EMC2: variants seen among roughly 807,000 people sequenced by gnomAD.
The protein encoded by EMC2 is TPR repeat protein 35.
Under a neutral mutation model 51.6 loss-of-function variants are expected in EMC2, and 37 were observed. The observed-to-expected ratio is 0.72, with a 90% CI of 0.55 to 0.94. The LOEUF is 0.94. EMC2 is among the 40% of genes least tolerant of loss of function. The probability of loss-of-function intolerance (pLI) is 0.00; values close to 1 mark genes in which losing one functional copy is unlikely to be tolerated. For missense variants in EMC2, 359 were observed against 350.9 expected (o/e 1.02, Z -0.18); for synonymous variants, 131 against 112.4 (o/e 1.17, Z -1.04).
At chr8:108,462,910 A>T (rs896765436) in intron 5 of EMC2, among the ~76,000 whole-genome samples, 1 of 152,018 alleles carries the variant, frequency 6.6e-6, no homozygotes, top group Non-Finnish European at 1.5e-5. Flanking sequence ...TAATATTCTT[A>T]AACAGCCATT....
chr8:108,477,806 G>A (rs1232033895), intron 9 of EMC2, among the ~76,000 whole-genome samples: 3 of 151,972 alleles, frequency 2.0e-5, no homozygotes, highest in Non-Finnish European at 4.4e-5. Context: ...GCTTATACAT[G>A]GCACTTCATG....
At chr8:108,448,198 C>T (rs1305293526) in intron 1 of EMC2, among the ~76,000 whole-genome samples, 2 of 152,140 alleles carry the variant, frequency 1.3e-5, no homozygotes, top group African/African-American at 4.8e-5. Flanking sequence ...CTTAACTGCT[C>T]ATCCCTGAGC....
intron 9 of EMC2, among the ~76,000 whole-genome samples, chr8:108,477,612 A>G (rs1000141446): frequency 6.6e-6 from 1 of 152,094 alleles, no homozygotes; most frequent in Non-Finnish European, 1.5e-5. Flanking sequence ...AGAAACAAAA[A>G]TGAAACAATT....
chr8:108,448,994 AACTC>A (rs1429980535), intron 1 of EMC2, among the ~76,000 whole-genome samples: 1 of 152,124 alleles, frequency 6.6e-6, no homozygotes, highest in African/African-American at 2.4e-5. Context: ...TCTTCCAAGA[AACTC>A]ACTCTTCTTA....
chr8:108,458,029 C>T (rs1205532461), intron 5 of EMC2, among the ~76,000 whole-genome samples: 1 of 152,100 alleles, frequency 6.6e-6, no homozygotes, highest in Non-Finnish European at 1.5e-5. Context: ...GAAATTGGCC[C>T]AAACAAAGAG....
At chr8:108,476,053 C>A in intron 8 of EMC2, 90 bp downstream of exon 8, 1 of 695,898 alleles carries the variant, frequency 1.4e-6, no homozygotes, top group Non-Finnish European at 2.4e-6. Flanking sequence ...TGATGTTAAG[C>A]AAGTATATAA....
At chr8:108,453,582 T>C (rs183676059) in intron 4 of EMC2, among the ~76,000 whole-genome samples, 1 of 152,268 alleles carries the variant, frequency 6.6e-6, no homozygotes, top group African/African-American at 2.4e-5. Context: ...TCTTTTGTCC[T>C]GTCCAATAAT....
At chr8:108,452,719 C>A (rs900128771) in intron 3 of EMC2, among the ~76,000 whole-genome samples, 2 of 152,142 alleles carry the variant, frequency 1.3e-5, no homozygotes, top group Non-Finnish European at 2.9e-5. Context: ...GAAGAAAACG[C>A]CAGGCGCTGT....
In EMC2 at chr8:108,443,707, G is replaced by C. The variant is rs763295194; in HGVS notation, c.40+9G>C. On this transcript the variant is annotated intron_variant, in intron 1 of 10. Coordinates refer to ENST00000220853, the MANE Select transcript of EMC2 (RefSeq NM_014673.5). ...CGATGTCACTTGGGAAGGTAACTTC[G>C]GGTGGGGGCGGGTGCGGAAAGACTA... The C allele has an allele frequency of 2.9e-5, 47 of 1,604,368 alleles. No individual in the cohort carries two copies. The highest frequency in any genetic ancestry group is 3.9e-5 in the Non-Finnish European group (46 of 1,175,180).
intron 5 of EMC2, among the ~76,000 whole-genome samples, chr8:108,464,712 T>C (rs1356422174): frequency 6.6e-6 from 1 of 152,046 alleles, no homozygotes; most frequent in East Asian, 1.9e-4. Flanking sequence ...ATGAGTAGAG[T>C]AAAACCTCCA....
chr8:108,449,435 G>C (rs1049376106), intron 1 of EMC2, among the ~76,000 whole-genome samples: 33 of 152,126 alleles, frequency 2.2e-4, no homozygotes, highest in Admixed American at 6.5e-4. Flanking sequence ...ACCATAGTTG[G>C]CTAATTTTTG....
At chr8:108,462,177 CGTGT>C (rs150710204) in intron 5 of EMC2, among the ~76,000 whole-genome samples, 4 of 150,284 alleles carry the variant, frequency 2.7e-5, no homozygotes, top group African/African-American at 9.8e-5. Flanking sequence ...TAGGCCTGCG[CGTGT>C]GTGTGTGTGT....
Position 108,476,837 on chromosome 8 carries a change from C to G in EMC2, c.647C>G (p.Ala216Gly). The change falls in exon 9 of 11, where the codon GCA (alanine) becomes GGA (glycine). Residue 216 changes from alanine (A) to glycine (G), a missense_variant. Coordinates refer to ENST00000220853, the MANE Select transcript of EMC2 (RefSeq NM_014673.5). ...CTCGAACTTTCAAGAAAGTATTTTGCACAGGCATTGAAACTGAACAACAGA... is the reference window on the plus strand; with the variant it reads ...CTCGAACTTTCAAGAAAGTATTTTGGACAGGCATTGAAACTGAACAACAGA... ...ENLELSRKYF[A>G]QALKLNNRNM... 6.2e-7 allele frequency: 1 copy of G among 1,607,354 alleles called. No homozygotes were observed. The highest frequency in any genetic ancestry group is 1.7e-4 in the Middle Eastern group (1 of 6,026).
chr8:108,446,857 G>C (rs1818888376), intron 1 of EMC2, among the ~76,000 whole-genome samples: 1 of 152,086 alleles, frequency 6.6e-6, no homozygotes, highest in Admixed American at 6.5e-5. Flanking sequence ...AGTGTGGCAG[G>C]GTCAGCTATG....
rs1036081726 is a variant in EMC2 at position 108,486,737 on chromosome 8, TTATA to T, written c.*142_*145del. The T allele has an allele frequency of 1.6e-5, 14 of 892,182 alleles. No homozygotes were observed. The highest frequency in any genetic ancestry group is 1.7e-5 in the African/African-American group (1 of 57,510). 55.3% of individuals were successfully genotyped at this position (892,182 alleles called of 1,614,324 possible). A position where few individuals can be genotyped will look rare whatever the true frequency, so the allele number is the denominator to read the frequency against. ...AAGAAGGCAGTTGTAAAGAATGTGTTTATATAAACCTAAAAATGCCTTTTACTGC... is the reference window on the plus strand; with the variant it reads ...AAGAAGGCAGTTGTAAAGAATGTGTTTAAACCTAAAAATGCCTTTTACTGC... On this transcript the variant is annotated 3_prime_UTR_variant, in exon 11 of 11. Coordinates refer to ENST00000220853, the MANE Select transcript of EMC2 (RefSeq NM_014673.5).
chr8:108,452,354 G>C (rs1317790269), intron 3 of EMC2, among the ~76,000 whole-genome samples: 2 of 152,164 alleles, frequency 1.3e-5, no homozygotes, highest in East Asian at 3.9e-4. Context: ...ATCACCTGAG[G>C]TCAGGAGTTC....
chr8:108,486,061 G>A (rs970432308), intron 10 of EMC2, among the ~76,000 whole-genome samples: 5 of 151,766 alleles, frequency 3.3e-5, no homozygotes, highest in Admixed American at 6.6e-5. Flanking sequence ...ACTTTAAAAT[G>A]TTTAGTGAAA....
At chr8:108,457,724 G>A (rs1229743217) in intron 5 of EMC2, among the ~76,000 whole-genome samples, 3 of 152,122 alleles carry the variant, frequency 2.0e-5, no homozygotes, top group African/African-American at 4.8e-5. Flanking sequence ...GTGAATTGTG[G>A]AAGTTACAAT....
intron 5 of EMC2, among the ~76,000 whole-genome samples, chr8:108,462,445 T>C (rs1342587628): frequency 6.6e-6 from 1 of 152,152 alleles, no homozygotes; most frequent in Non-Finnish European, 1.5e-5. Flanking sequence ...TGATATTTCC[T>C]CTCAGAAACA....
Sources: allele counts gnomAD v4.1 joint callset (sites outside exome capture counted in the v4.1 genomes callset), GRCh38; gene constraint gnomAD v4.1.1; transcripts MANE v1.5; gene names NCBI Gene and HGNC (gene_info 2026-07-23, HGNC 2026-07-21).